ADCY7: variants seen among roughly 807,000 people sequenced by gnomAD.
The protein encoded by ADCY7 is adenylate cyclase 7, also known as adenylate cyclase type 7.
Under a neutral mutation model 120.6 loss-of-function variants are expected in ADCY7, and 72 were observed. That is an observed-to-expected ratio of 0.60 (90% CI 0.49 to 0.73). ADCY7 has a LOEUF of 0.73. Among genes scored for constraint, ADCY7 ranks in the 30% least tolerant of loss-of-function variants. The probability of loss-of-function intolerance (pLI) is 0.00; values close to 1 mark genes in which losing one functional copy is unlikely to be tolerated. For synonymous variants in ADCY7, 661 were observed against 628.0 expected (o/e 1.05, Z -0.78); for missense variants, 1,227 against 1,486.0 (o/e 0.83, Z 2.87).
chr16:50,314,944 T>G, intron 24 of ADCY7, 70 bp from the exon 25 acceptor site: 1 of 1,586,794 alleles, frequency 6.3e-7, no homozygotes, highest in Non-Finnish European at 8.6e-7. Flanking sequence ...ATGGATTCTC[T>G]GGCCTCCTCT....
chr16:50,261,322 G>C (rs1490423402), intron 1 of ADCY7, among the ~76,000 whole-genome samples: 1 of 152,202 alleles, frequency 6.6e-6, no homozygotes, highest in Admixed American at 6.5e-5. Flanking sequence ...GGGATGGGTA[G>C]CATTTTGAGC....
At chr16:50,247,467 T>C (rs941717346) in intron 1 of ADCY7, among the ~76,000 whole-genome samples, 1 of 151,084 alleles carries the variant, frequency 6.6e-6, no homozygotes, top group Non-Finnish European at 1.5e-5. Flanking sequence ...GCTCAGGTGA[T>C]CCTCCCACCT....
chr16:50,316,219 GACT>G lies in ADCY7; in HGVS notation c.*718_*720del, dbSNP rs1401710796. ...TTTTTAACCACTGACATGTAAGGAG[GACT>G]ACTGTCTAGCATCAGCTTATGGGGT... On this transcript the variant is annotated 3_prime_UTR_variant, in exon 26 of 26. Transcript: ENST00000673801. 6.6e-6 allele frequency: 1 copy of G among 152,412 alleles called. No individual in the cohort carries two copies. Among genetic ancestry groups the G allele is most frequent in the Non-Finnish European group, 1.5e-5 (1 of 68,108 alleles). The allele number at this position is 152,412 out of a possible 1,614,324, so 9.4% of individuals were successfully genotyped here.
rs112516393 is a variant in ADCY7 at position 50,316,927 on chromosome 16, C to A, written c.*1422C>A. ...CCCATGAACCCCGTAAAGTTCTACA[C>A]AAAGTCTTGCATACAGGAGCCTTTA... On this transcript the variant is annotated 3_prime_UTR_variant, in exon 26 of 26. Coordinates refer to ENST00000673801, the MANE Select transcript of ADCY7 (RefSeq NM_001114.5). The A allele has an allele frequency of 1.7e-4, 26 of 152,754 alleles. No homozygotes were observed. The highest frequency in any genetic ancestry group is 3.1e-4 in the African/African-American group (13 of 41,552). The allele number at this position is 152,754 out of a possible 1,614,324, so 9.5% of individuals were successfully genotyped here.
rs529001086 is a variant in ADCY7 at position 50,259,870 on chromosome 16, G to A, written c.-64+13667G>A. Among the ~76,000 whole-genome samples, 3 of 152,328 alleles carry A rather than the reference G, an allele frequency of 2.0e-5. No individual in the cohort carries two copies. The South Asian group carries it at 6.2e-4, about 32-fold the overall frequency. ...TTTCTTATGTTCCTAGCCTGCACAGGAACAGATCCCTGCACATCCCTGAGC... is the reference window on the plus strand; with the variant it reads ...TTTCTTATGTTCCTAGCCTGCACAGAAACAGATCCCTGCACATCCCTGAGC... On this transcript the variant is annotated intron_variant, in intron 1 of 4. Coordinates refer to the ADCY7 transcript ENST00000564044.
At chr16:50,255,801 A>AT (rs1241138592) in intron 1 of ADCY7, among the ~76,000 whole-genome samples, 3 of 152,140 alleles carry the variant, frequency 2.0e-5, no homozygotes, top group Non-Finnish European at 4.4e-5. Flanking sequence ...CAGTCCATTG[A>AT]TTTTTTTGAC....
At position 50,317,913 on chromosome 16, in the gene ADCY7, CAAACAGAAG is replaced by C. The variant is rs990490158; in HGVS notation, c.*2410_*2418del. The C allele has an allele frequency of 2.0e-5, 3 of 151,912 alleles. No homozygotes were observed. Among genetic ancestry groups the C allele is most frequent in the Non-Finnish European group, 2.9e-5 (2 of 67,884 alleles). The allele number at this position is 151,912 out of a possible 1,614,324, so 9.4% of individuals were successfully genotyped here. ...ATTTCCTAACAAACAAACAAACAAA[CAAACAGAAG>C]AGAAGATCATTAACCACTGTATACT... On this transcript the variant is annotated 3_prime_UTR_variant, in exon 26 of 26. Coordinates refer to ENST00000673801, the MANE Select transcript of ADCY7 (RefSeq NM_001114.5).
chr16:50,305,441 C>T, intron 12 of ADCY7, 62 bp from the exon 13 acceptor site: 1 of 1,467,504 alleles, frequency 6.8e-7, no homozygotes, highest in Non-Finnish European at 9.5e-7. Context: ...ACGTCCACAC[C>T]CTCCTCTGGG....
intron 7 of ADCY7, among the ~76,000 whole-genome samples, chr16:50,296,282 C>T (rs191656284): frequency 1.5e-4 from 23 of 151,900 alleles, no homozygotes; most frequent in Admixed American, 8.5e-4. Flanking sequence ...TGAATTCCTA[C>T]GCTCAAGTGA....
At chr16:50,305,884 C>A (rs201590891) in intron 14 of ADCY7, 35 bp downstream of exon 14, 4 of 1,605,504 alleles carry the variant, frequency 2.5e-6, no homozygotes, top group South Asian at 1.1e-5. Context: ...CGCAGAGGGA[C>A]GGGGTCTCCA....
chr16:50,255,295 A>T lies in ADCY7; in HGVS notation c.-64+9092A>T, dbSNP rs1210573384. On this transcript the variant is annotated intron_variant, in intron 1 of 4. Transcript: ENST00000564044. ...CTAGGTGACAGAGTGAGCCAATTAA[A>T]ATATATATATATATTTATAATTTCT... Among the ~76,000 whole-genome samples the T allele has an allele frequency of 8.1e-5, 12 of 148,448 alleles. No homozygotes were observed. In the East Asian group the frequency reaches 2.0e-3, roughly 24 times the overall value.
intron 1 of ADCY7, among the ~76,000 whole-genome samples, chr16:50,260,433 C>T (rs2033029511): frequency 6.6e-6 from 1 of 152,146 alleles, no homozygotes; most frequent in Non-Finnish European, 1.5e-5. Flanking sequence ...ATGGCTGGAT[C>T]CAGGGGCTCA....
At chr16:50,276,137 C>T (rs1365068388) in intron 1 of ADCY7, among the ~76,000 whole-genome samples, 1 of 152,266 alleles carries the variant, frequency 6.6e-6, no homozygotes, top group Non-Finnish European at 1.5e-5. Flanking sequence ...CACCACCTCC[C>T]TCTGACCTGG....
At chr16:50,275,410 C>G (rs1237446427) in intron 1 of ADCY7, among the ~76,000 whole-genome samples, 1 of 152,204 alleles carries the variant, frequency 6.6e-6, no homozygotes, top group African/African-American at 2.4e-5. Flanking sequence ...CCCAGGGAGC[C>G]TTCTTAGGGG....
intron 1 of ADCY7, among the ~76,000 whole-genome samples, chr16:50,256,242 C>A (rs1484748858): frequency 6.6e-6 from 1 of 151,904 alleles, no homozygotes; most frequent in East Asian, 1.9e-4. Flanking sequence ...AACAACAAAC[C>A]CAATTAAAAA....
intron 8 of ADCY7, among the ~76,000 whole-genome samples, chr16:50,300,352 A>AT (rs142151964): frequency 0.11 from 16,771 of 152,242 alleles, 1,030 homozygotes; most frequent in Middle Eastern, 0.27. Flanking sequence ...GATTACAGGC[A>AT]TGAGCCACCA....
intron 1 of ADCY7, among the ~76,000 whole-genome samples, chr16:50,250,456 CAAAAAAAA>C (rs34443362): frequency 1.4e-5 from 1 of 69,152 alleles, no homozygotes; most frequent in Non-Finnish European, 2.8e-5. Context: ...GACTCTATCT[CAAAAAAAA>C]AAAAAAAAAA....
intron 1 of ADCY7, among the ~76,000 whole-genome samples, chr16:50,250,180 G>T (rs2032711921): frequency 6.6e-6 from 1 of 152,222 alleles, no homozygotes; most frequent in South Asian, 2.1e-4. Flanking sequence ...AATTGGCCGG[G>T]TGGGGTGGCT....
At chr16:50,293,945 C>A (rs932146337) in intron 6 of ADCY7, among the ~76,000 whole-genome samples, 1 of 152,168 alleles carries the variant, frequency 6.6e-6, no homozygotes, top group Non-Finnish European at 1.5e-5. Context: ...AATGCACTGA[C>A]CTGAGTTTGT....
Sources: gnomAD v4.1 joint callset for allele counts (sites outside exome capture counted in the v4.1 genomes callset) on GRCh38, gnomAD v4.1.1 for gene constraint, MANE v1.5 for transcripts, NCBI Gene and HGNC (gene_info 2026-07-23, HGNC 2026-07-21) for gene names.